The following ARHGEF11 variants were observed in gnomAD, a reference collection of about 807,000 sequenced individuals.
The protein encoded by ARHGEF11 is Rho guanine nucleotide exchange factor 11.
In ARHGEF11, 55 loss-of-function variants were observed where a neutral mutation model predicts 193.7. The observed-to-expected ratio is 0.28, with a 90% confidence interval of 0.23 to 0.36. The LOEUF (loss-of-function observed/expected upper bound fraction) is 0.36, where lower values mean the gene tolerates loss of function less well. Ranked by LOEUF, ARHGEF11 falls within the 10% of genes least tolerant of loss-of-function variation. ARHGEF11 has a pLI of 1.00. For missense variants in ARHGEF11, 1,723 were observed against 2,005.6 expected, an observed-to-expected ratio of 0.86 and a Z score of 2.69; for synonymous variants, 693 against 768.0, an observed-to-expected ratio of 0.90 and a Z score of 1.62.
At chr1:156,968,947 GT>G (rs1662123742) in intron 10 of ARHGEF11, among the ~76,000 whole-genome samples, 1 of 152,208 alleles carries the variant, frequency 6.6e-6, no homozygotes, top group Non-Finnish European at 1.5e-5. Context: ...GTGGAAATAT[GT>G]TTTTGGTCAA....
chr1:156,992,786 T>C (rs2102569081), intron 1 of ARHGEF11, among the ~76,000 whole-genome samples: 1 of 152,308 alleles, frequency 6.6e-6, no homozygotes, highest in South Asian at 2.1e-4. Flanking sequence ...ATGTCTTACC[T>C]TTCCCAGTCA....
At chr1:157,008,590 G>A (rs1399558570) in intron 1 of ARHGEF11, among the ~76,000 whole-genome samples, 1 of 152,160 alleles carries the variant, frequency 6.6e-6, no homozygotes, top group African/African-American at 2.4e-5. Flanking sequence ...CCCAGTCTAT[G>A]GTGACCCAAG....
Position 156,968,048 on chromosome 1 carries a change from C to T in ARHGEF11, c.902G>A (p.Arg301Lys), listed in dbSNP as rs779382853. ...CTGCCGCCTGTGGTGCTGGGCCACC[C>T]TGGCCATGATCACAGGGGAGGTTCG... is the stretch of plus-strand genomic sequence containing the variant. ...SPRTSPVIMA[R>K]VAQHHRRQGS... The change falls in exon 11 of 41, where the codon AGG becomes AAG. Residue 301 changes from arginine (R) to lysine (K), a missense_variant. Transcript: ENST00000368194. The T allele has an allele frequency of 6.2e-7, 1 of 1,614,086 alleles. No homozygotes were observed. Among genetic ancestry groups the T allele is most frequent in the Non-Finnish European group, 8.5e-7 (1 of 1,180,022 alleles).
chr1:157,013,552 C>T (rs955969195), intron 1 of ARHGEF11, among the ~76,000 whole-genome samples: 4 of 152,094 alleles, frequency 2.6e-5, no homozygotes, highest in African/African-American at 9.7e-5. Context: ...TTCTCCCTCC[C>T]TCTATTACAA....
At chr1:156,938,573 G>T in intron 37 of ARHGEF11, 60 bp from the exon 38 acceptor site, 2 of 1,542,334 alleles carry the variant, frequency 1.3e-6, no homozygotes, top group South Asian at 2.3e-5. Flanking sequence ...AAAGGGAAGG[G>T]AGAGAGAACA....
intron 6 of ARHGEF11, among the ~76,000 whole-genome samples, chr1:156,977,861 C>T (rs1031691290): frequency 9.2e-5 from 14 of 152,300 alleles, no homozygotes; most frequent in African/African-American, 3.1e-4. Flanking sequence ...TGGCAATGGT[C>T]TTAAACAGAT....
intron 1 of ARHGEF11, among the ~76,000 whole-genome samples, chr1:157,017,434 G>A (rs559641520): frequency 3.3e-5 from 5 of 152,244 alleles, no homozygotes; most frequent in African/African-American, 9.6e-5. Flanking sequence ...AAGGCCGGGC[G>A]CAGTGGCTCA....
rs771223540 is a variant in ARHGEF11, at chr1:156,948,456, C to T, written c.1968G>A (p.Lys656=). ...GAGACCGTTTCATCTCTTCCCGGCC[C>T]TTGAGGCTTTCAGAGCGGCCCAGGC... ...EIRLGRSESL[K]GREEMKRSRK... Residue 656 remains lysine, a synonymous_variant, in exon 23 of 41, where the codon AAG becomes AAA. Transcript: ENST00000368194. The surrounding 1 kb of genome is among the most constrained non-coding windows in gnomAD (Gnocchi z 4.2). The T allele has an allele frequency of 1.5e-5, 25 of 1,614,124 alleles. No homozygotes were observed. The highest frequency in any genetic ancestry group is 1.4e-5 in the Non-Finnish European group (16 of 1,180,048).
chr1:156,979,643 C>T (rs1663836586), intron 4 of ARHGEF11, among the ~76,000 whole-genome samples: 2 of 152,144 alleles, frequency 1.3e-5, no homozygotes, highest in Admixed American at 6.5e-5. Flanking sequence ...GGATTACAGG[C>T]GTGAGCCACT....
intron 20 of ARHGEF11, 48 bp from the exon 21 acceptor site, chr1:156,954,969 C>T (rs1424948984): frequency 5.3e-6 from 8 of 1,516,028 alleles, no homozygotes; most frequent in Non-Finnish European, 7.2e-6. Flanking sequence ...AAAAGTCAAT[C>T]AATGTTTTAA....
chr1:156,944,956 G>A, intron 30 of ARHGEF11, 63 bp downstream of exon 30: 3 of 1,570,034 alleles, frequency 1.9e-6, no homozygotes, highest in Non-Finnish European at 2.6e-6. Context: ...CCTGACCAGT[G>A]TTCTGCTCCT....
Position 156,944,445 on chromosome 1 carries a change from A to G in ARHGEF11, c.2992-12T>C. The G allele has an allele frequency of 6.4e-7, 1 of 1,560,558 alleles. No homozygotes were observed. The highest frequency in any genetic ancestry group is 8.6e-7 in the Non-Finnish European group (1 of 1,160,818). On this transcript the variant is annotated splice_polypyrimidine_tract_variant and intron_variant, in intron 30 of 40. Transcript: ENST00000368194. ...GTAAGATCCAGGCTCTGTTAAGGAG[A>G]CACCATTCATTCATTCATTCATTCA...
intron 14 of ARHGEF11, 108 bp from the exon 15 acceptor site, chr1:156,960,568 G>A: frequency 5.7e-6 from 5 of 870,390 alleles, no homozygotes; most frequent in Admixed American, 2.1e-5. Flanking sequence ...TTGCCTTTTC[G>A]CCTACATCTG....
At position 156,980,480 on chromosome 1, in the gene ARHGEF11, G is replaced by A; in HGVS notation, c.230C>T (p.Ala77Val). 6.3e-7 allele frequency: 1 copy of A among 1,596,718 alleles called. No individual in the cohort carries two copies. Among genetic ancestry groups the A allele is most frequent in the South Asian group, 1.1e-5 (1 of 87,826 alleles). Residue 77 changes from alanine (A) to valine (V), a missense_variant, in exon 4 of 41, where the codon GCA becomes GTA. By Grantham distance (64) the Ala-to-Val change is moderately conservative (BLOSUM62 0). Coordinates refer to ENST00000368194, the MANE Select transcript of ARHGEF11 (RefSeq NM_198236.3). ...VLVQSVRPGG[A>V]AMKAGVKEGD... ...CTCTTTCACACCGGCCTTCATGGCT[G>A]CACCTCCTGTAAGGAGAAGGCCTGG... is the stretch of plus-strand genomic sequence containing the variant.
chr1:156,957,968 C>T (rs1479065863), intron 17 of ARHGEF11, among the ~76,000 whole-genome samples, 153 bp from the exon 18 acceptor site: 1 of 152,192 alleles, frequency 6.6e-6, no homozygotes, highest in African/African-American at 2.4e-5. Flanking sequence ...GTATTTGGTA[C>T]ATAGCAGGAA....
At chr1:156,942,882 A>G in intron 32 of ARHGEF11, 102 bp from the exon 33 acceptor site, 1 of 921,968 alleles carries the variant, frequency 1.1e-6, no homozygotes. Context: ...CCTGACCCTC[A>G]ACGCAGATGG....
chr1:156,938,314 G>T, intron 38 of ARHGEF11, 104 bp downstream of exon 38: 1 of 1,038,628 alleles, frequency 9.6e-7, no homozygotes, highest in Non-Finnish European at 1.4e-6. Context: ...AGCTGAGGGA[G>T]CTTGTGGGTG....
chr1:156,992,975 G>A (rs771786890), intron 1 of ARHGEF11, among the ~76,000 whole-genome samples: 5 of 152,140 alleles, frequency 3.3e-5, no homozygotes, highest in African/African-American at 1.2e-4. Flanking sequence ...TCACCCTTAC[G>A]CCTACCCCAT....
At chr1:157,019,917 G>A (rs1318135059) in intron 1 of ARHGEF11, among the ~76,000 whole-genome samples, 4 of 152,116 alleles carry the variant, frequency 2.6e-5, no homozygotes, top group Admixed American at 6.5e-5. Context: ...ACAAGGTCAG[G>A]AGATCGAGAC....
Sources: allele counts gnomAD v4.1 joint callset (sites outside exome capture counted in the v4.1 genomes callset), GRCh38; gene constraint gnomAD v4.1.1; non-coding constraint Gnocchi (gnomAD v3.1); transcripts MANE v1.5; gene names NCBI Gene and HGNC (gene_info 2026-07-23, HGNC 2026-07-21).